Variants in SYNRG observed in about 807,000 individuals in gnomAD.
SYNRG encodes AP1 gamma subunit binding protein 1.
In SYNRG, 37 loss-of-function variants were observed where a neutral mutation model predicts 130.9. The ratio of observed to expected loss-of-function variants is 0.28; its 90% CI spans 0.22 to 0.37. SYNRG has a LOEUF of 0.37. SYNRG is among the 10% of genes least tolerant of loss of function. SYNRG has a pLI of 1.00. For synonymous variants in SYNRG, 539 were observed against 568.1 expected (o/e 0.95, Z 0.73); for missense variants, 1,338 against 1,588.9 (o/e 0.84, Z 2.68).
rs529534075 is a variant in SYNRG, at chr17:37,606,039, G to A, written c.77+3240C>T. ...TAATTAAATGGTCCTTTAGCAAGAC[G>A]CACCCCTGAAGTTAAAACTATGAAA... is the stretch of plus-strand genomic sequence containing the variant. On this transcript the variant is annotated intron_variant, in intron 1 of 21. Transcript: ENST00000612223. 6.0e-5 allele frequency: 59 copies of A among 976,300 alleles called. No homozygotes were observed. The African/African-American group carries it at 8.6e-4, about 14-fold the overall frequency. The allele number at this position is 976,300 out of a possible 1,614,324, so 60.5% of individuals were successfully genotyped here.
intron 3 of SYNRG, among the ~76,000 whole-genome samples, chr17:37,587,642 C>G (rs2061799992): frequency 6.6e-6 from 1 of 152,224 alleles, no homozygotes; most frequent in Non-Finnish European, 1.5e-5. Flanking sequence ...AACTTCCTCA[C>G]TCTTCAGTTG....
chr17:37,556,452 A>AAAAT (rs549767273), intron 13 of SYNRG, among the ~76,000 whole-genome samples: 30 of 152,024 alleles, frequency 2.0e-4, no homozygotes, highest in African/African-American at 6.7e-4. Context: ...ACTCCGTATC[A>AAAAT]AAATAAATAA....
intron 19 of SYNRG, among the ~76,000 whole-genome samples, chr17:37,525,929 G>A (rs1194516121): frequency 6.6e-6 from 1 of 152,192 alleles, no homozygotes; most frequent in Non-Finnish European, 1.5e-5. Context: ...TCGCGCCATT[G>A]CACTCCAGCC....
chr17:37,560,575 G>A (rs1229523464), intron 13 of SYNRG, among the ~76,000 whole-genome samples: 1 of 151,920 alleles, frequency 6.6e-6, no homozygotes, highest in Non-Finnish European at 1.5e-5. Context: ...CTGACCTCAG[G>A]TGATCCGCCC....
chr17:37,581,990 C>T (rs963777681), intron 6 of SYNRG, among the ~76,000 whole-genome samples: 7 of 151,772 alleles, frequency 4.6e-5, no homozygotes, highest in Non-Finnish European at 7.4e-5. Flanking sequence ...CTTGAACTCC[C>T]GACCTCAGGT....
intron 21 of SYNRG, 98 bp downstream of exon 21, chr17:37,520,081 G>T: frequency 1.5e-6 from 2 of 1,325,958 alleles, no homozygotes; most frequent in Non-Finnish European, 2.2e-6. Context: ...ATTCATGATT[G>T]GAACAGTTCA....
intron 2 of SYNRG, among the ~76,000 whole-genome samples, chr17:37,598,587 C>T (rs971769533): frequency 6.6e-5 from 10 of 152,278 alleles, no homozygotes; most frequent in African/African-American, 1.9e-4. Context: ...CCTCTGTCTC[C>T]GGTTCAAGTA....
At chr17:37,589,593 C>CA (rs2061976205) in intron 3 of SYNRG, among the ~76,000 whole-genome samples, 1 of 151,340 alleles carries the variant, frequency 6.6e-6, no homozygotes, top group Non-Finnish European at 1.5e-5. Context: ...TACTAAAATA[C>CA]AAAAAATTAG....
chr17:37,565,347 T>A (rs1429308718), intron 11 of SYNRG, among the ~76,000 whole-genome samples: 1 of 152,052 alleles, frequency 6.6e-6, no homozygotes, highest in South Asian at 2.1e-4. Context: ...CTGCAAAGTA[T>A]CAATGGTGCC....
chr17:37,588,088 A>G (rs2061839345), intron 3 of SYNRG, among the ~76,000 whole-genome samples: 1 of 152,026 alleles, frequency 6.6e-6, no homozygotes, highest in Non-Finnish European at 1.5e-5. Flanking sequence ...CTAGGGTTCC[A>G]TATTAAATGC....
At chr17:37,547,714 T>A (rs1421172846) in intron 14 of SYNRG, among the ~76,000 whole-genome samples, 2 of 152,106 alleles carry the variant, frequency 1.3e-5, no homozygotes, top group East Asian at 3.9e-4. Flanking sequence ...CCGCCTGCCT[T>A]CGCCTCCCAA....
chr17:37,584,520 C>G (rs1487456154), intron 6 of SYNRG, 128 bp downstream of exon 6: 3 of 708,436 alleles, frequency 4.2e-6, no homozygotes, highest in Non-Finnish European at 7.2e-6. Context: ...ACATCCAAAT[C>G]TGTACTTAGC....
At chr17:37,593,887 A>AG (rs1179485845) in intron 3 of SYNRG, among the ~76,000 whole-genome samples, 2 of 152,108 alleles carry the variant, frequency 1.3e-5, no homozygotes, top group Non-Finnish European at 1.5e-5. Flanking sequence ...TCAAAAAAAA[A>AG]AAAAAAAAAT....
chr17:37,552,595 C>T (rs1223571393), intron 14 of SYNRG, among the ~76,000 whole-genome samples: 1 of 152,192 alleles, frequency 6.6e-6, no homozygotes, highest in Non-Finnish European at 1.5e-5. Flanking sequence ...CTCTTTCCCT[C>T]TTCTTCTCTT....
At chr17:37,545,461 C>T (rs2058200179) in intron 14 of SYNRG, among the ~76,000 whole-genome samples, 1 of 152,112 alleles carries the variant, frequency 6.6e-6, no homozygotes, top group East Asian at 1.9e-4. Flanking sequence ...CCAGTTCAAA[C>T]ACTGCAATCA....
Position 37,515,158 on chromosome 17 carries a change from TTAGA to T in SYNRG, c.*3778_*3781del, listed in dbSNP as rs1328482840. 3.9e-5 allele frequency: 6 copies of T among 152,226 alleles called. No homozygotes were observed. Among genetic ancestry groups the T allele is most frequent in the African/African-American group, 1.4e-4 (6 of 41,462 alleles). 9.4% of individuals were successfully genotyped at this position (152,226 alleles called of 1,614,324 possible). ...AAAACTTCATTATAATGCTATTTTG[TTAGA>T]AAAGTATTTGTAAAGTGGCATTTTT... On this transcript the variant is annotated 3_prime_UTR_variant, in exon 22 of 22. Coordinates refer to ENST00000612223, the MANE Select transcript of SYNRG (RefSeq NM_007247.6).
At chr17:37,574,737 A>G (rs1203607988) in intron 8 of SYNRG, among the ~76,000 whole-genome samples, 4 of 152,164 alleles carry the variant, frequency 2.6e-5, no homozygotes, top group Non-Finnish European at 5.9e-5. Context: ...GCTTTTATCC[A>G]AAAGACAGGC....
rs373523084 is a variant in SYNRG, at chr17:37,561,203, T to C, written c.1655A>G (p.Lys552Arg). 3.7e-6 allele frequency: 6 copies of C among 1,613,146 alleles called. No homozygotes were observed. The African/African-American group carries it at 6.7e-5, about 18-fold the overall frequency. The change falls in exon 13 of 22, where the codon AAA (lysine) becomes AGA (arginine). Residue 552 changes from lysine (K) to arginine (R), a missense_variant. Transcript: ENST00000612223. Reference sequence around the variant, plus strand: ...AGGACTCAAAAACTTACCTAAAGGTTTATTCTCTGCTGTCTGTTCAAGTTC... The same window carrying C: ...AGGACTCAAAAACTTACCTAAAGGTCTATTCTCTGCTGTCTGTTCAAGTTC... The part of the protein sequence containing the change: ...FRELEQTAEN[K>R]PLGESFAEFR...
intron 11 of SYNRG, chr17:37,567,174 G>C (rs1357864402): frequency 6.6e-6 from 1 of 152,386 alleles, no homozygotes; most frequent in East Asian, 1.9e-4. Context: ...TGCTGGCAAG[G>C]CTGGAGTGTA....
Sources: gnomAD v4.1 joint callset for allele counts (sites outside exome capture counted in the v4.1 genomes callset) on GRCh38, gnomAD v4.1.1 for gene constraint, MANE v1.5 for transcripts, NCBI Gene and HGNC (gene_info 2026-07-23, HGNC 2026-07-21) for gene names.